Variants in CELF1 observed in about 807,000 individuals in gnomAD.
The protein encoded by CELF1 is 50 kDa nuclear polyadenylated RNA-binding protein.
CELF1 carries 10 observed loss-of-function variants against 61.8 expected under a neutral mutation model. The observed-to-expected ratio is 0.16, with a 90% CI of 0.10 to 0.27. CELF1 has a LOEUF of 0.27. CELF1 is among the 10% of genes least tolerant of loss of function. The pLI, the probability that CELF1 is intolerant of heterozygous loss-of-function variation, is 1.00. For missense variants in CELF1, 380 were observed against 639.1 expected, an observed-to-expected ratio of 0.59 and a Z score of 4.37; for synonymous variants, 236 against 225.1, an observed-to-expected ratio of 1.05 and a Z score of -0.43.
chr11:47,475,446 G>GT lies in CELF1; in HGVS notation c.1162dup (p.Thr388AsnfsTer55), dbSNP rs1479388325. 1.2e-6 allele frequency: 2 copies of GT among 1,614,094 alleles called. No individual in the cohort carries two copies. The highest frequency in any genetic ancestry group is 1.7e-6 in the Non-Finnish European group (2 of 1,180,018). On this transcript the variant is annotated frameshift_variant, in exon 13 of 15. Transcript: ENST00000687097. LOFTEE classifies it high-confidence loss of function. ...TTGCTGGATACCCGAGTAGGCCTGA[G>GT]TGAGGGCCTCCATGGTGCTCCCGGT...
chr11:47,563,146 G>T (rs1173277827), intron 2 of CELF1, among the ~76,000 whole-genome samples: 2 of 151,948 alleles, frequency 1.3e-5, no homozygotes, highest in Non-Finnish European at 2.9e-5. Flanking sequence ...CACCCAAAAG[G>T]TCGGGGCTAC....
chr11:47,541,749 AG>A (rs2096796423), intron 1 of CELF1, among the ~76,000 whole-genome samples: 2 of 10,118 alleles, frequency 2.0e-4, no homozygotes, highest in Non-Finnish European at 5.2e-4. Context: ...AACGAAAGAA[AG>A]AAAGAACGAA....
rs1030225794 is a variant in CELF1, at chr11:47,532,069, C to T, written c.-154+20923G>A. Among the ~76,000 whole-genome samples, 33 of 151,258 alleles carry T rather than the reference C, an allele frequency of 2.2e-4. No homozygotes were observed. In the South Asian group the frequency reaches 6.1e-3, roughly 28 times the overall value. On this transcript the variant is annotated intron_variant, in intron 1 of 14. Coordinates refer to ENST00000687097, the MANE Select transcript of CELF1 (RefSeq NM_001376376.1). The stretch of plus-strand genomic sequence containing the variant: ...TTTTTGAGACAGAGTCTCGCTCTGT[C>T]GCCCAGGCTGGAGTGCAGTGGCGCA...
upstream of CELF1, among the ~76,000 whole-genome samples, chr11:47,554,188 G>A (rs766207391): frequency 5.3e-5 from 8 of 151,946 alleles, no homozygotes; most frequent in Non-Finnish European, 1.0e-4. Context: ...TTCGCCTTTG[G>A]GGGGGAAAAA....
At chr11:47,535,585 G>A (rs1555189054) in intron 1 of CELF1, among the ~76,000 whole-genome samples, 1 of 151,070 alleles carries the variant, frequency 6.6e-6, no homozygotes, top group Non-Finnish European at 1.5e-5. Flanking sequence ...GGCTGAGGCA[G>A]GAGAATCGCT....
chr11:47,558,261 G>C (rs1382313965), intron 2 of CELF1, among the ~76,000 whole-genome samples: 1 of 151,604 alleles, frequency 6.6e-6, no homozygotes, highest in Non-Finnish European at 1.5e-5. Flanking sequence ...TGTCTGTCCT[G>C]CTTTTACTGA....
chr11:47,488,756 A>G, intron 4 of CELF1, 81 bp downstream of exon 4: 1 of 1,122,440 alleles, frequency 8.9e-7, no homozygotes, highest in South Asian at 2.9e-5. Context: ...AATTTTTTGT[A>G]TCCTGTTAAA....
chr11:47,484,864 G>C (rs2085683250), intron 6 of CELF1, among the ~76,000 whole-genome samples: 1 of 152,126 alleles, frequency 6.6e-6, no homozygotes, highest in Admixed American at 6.6e-5. Context: ...TTTTAGTAGA[G>C]ATGGGGTTTC....
intron 1 of CELF1, among the ~76,000 whole-genome samples, chr11:47,537,704 T>C (rs1436179227): frequency 1.3e-5 from 2 of 152,172 alleles, no homozygotes; most frequent in African/African-American, 4.8e-5. Flanking sequence ...TTACTAATCC[T>C]TAATACTGAA....
chr11:47,472,388 G>A, intron 14 of CELF1, 31 bp from the exon 15 acceptor site: 2 of 1,607,580 alleles, frequency 1.2e-6, no homozygotes, highest in African/African-American at 1.3e-5. Context: ...CTAGGTGAGG[G>A]ACATAATGAG....
At chr11:47,557,177 C>T (rs2097207968), upstream of CELF1, among the ~76,000 whole-genome samples, 1 of 151,608 alleles carries the variant, frequency 6.6e-6, no homozygotes, top group South Asian at 2.1e-4. Context: ...CGGGAGCCAC[C>T]ACGCCCGGCC....
In CELF1 at chr11:47,472,140, A is replaced by G; in HGVS notation, c.*90T>C. On this transcript the variant is annotated 3_prime_UTR_variant, in exon 15 of 15. Coordinates refer to ENST00000687097, the MANE Select transcript of CELF1 (RefSeq NM_001376376.1). ...CAGGGATCAGGGTCCAGGGCTGTCA[A>G]CACACAGCCTCAGGGCTTCGAATCA... is the stretch of plus-strand genomic sequence containing the variant. 1 of 1,492,290 alleles carries G rather than the reference A, an allele frequency of 6.7e-7. No individual in the cohort carries two copies. The highest frequency in any genetic ancestry group is 9.2e-7 in the Non-Finnish European group (1 of 1,084,836). The allele number at this position is 1,492,290 out of a possible 1,614,324, so 92.4% of individuals were successfully genotyped here.
upstream of CELF1, among the ~76,000 whole-genome samples, chr11:47,554,663 G>GA (rs1555193845): frequency 2.1e-5 from 3 of 142,308 alleles, no homozygotes; most frequent in Non-Finnish European, 4.6e-5. Flanking sequence ...ATCTAACACA[G>GA]TTTTTTTTTT....
At chr11:47,553,187 G>A (rs980205500), upstream of CELF1, 2 of 392,134 alleles carry the variant, frequency 5.1e-6, no homozygotes, top group African/African-American at 2.1e-5. Flanking sequence ...CAGAGGAGGA[G>A]GGGGAGCGCG....
In CELF1 at chr11:47,489,113, G is replaced by A. The variant is rs948026147; in HGVS notation, c.72-89C>T. The stretch of plus-strand genomic sequence containing the variant: ...TTCTTTAATGATCTTAACTAGTTCT[G>A]AGAACGTAAGGGAAAAAAAATCTAC... On this transcript the variant is annotated intron_variant, in intron 3 of 14. Transcript: ENST00000687097. 1.2e-5 allele frequency: 13 copies of A among 1,109,204 alleles called. No individual in the cohort carries two copies. In the African/African-American group the frequency reaches 2.0e-4, roughly 17 times the overall value. The allele number at this position is 1,109,204 out of a possible 1,614,324, so 68.7% of individuals were successfully genotyped here. A position where few individuals can be genotyped will look rare whatever the true frequency, so the allele number is the denominator to read the frequency against.
chr11:47,482,090 C>A (rs1701983725), intron 9 of CELF1, among the ~76,000 whole-genome samples: 1 of 152,102 alleles, frequency 6.6e-6, no homozygotes, highest in Non-Finnish European at 1.5e-5. Context: ...GTAGTCCCAG[C>A]TACTTGGGAA....
chr11:47,539,742 G>A (rs1221926155), intron 1 of CELF1, among the ~76,000 whole-genome samples: 1 of 152,214 alleles, frequency 6.6e-6, no homozygotes, highest in Non-Finnish European at 1.5e-5. Context: ...CACCTGGAAA[G>A]TCTTTAGGCA....
chr11:47,492,424 A>AC (rs771722545), intron 3 of CELF1, among the ~76,000 whole-genome samples: 5 of 152,056 alleles, frequency 3.3e-5, no homozygotes, highest in Admixed American at 6.6e-5. Flanking sequence ...GAAATCAGCT[A>AC]CCATGATGAA....
chr11:47,526,049 A>G (rs1251091652), intron 1 of CELF1, among the ~76,000 whole-genome samples: 1 of 151,660 alleles, frequency 6.6e-6, no homozygotes, highest in Non-Finnish European at 1.5e-5. Flanking sequence ...GCACCTGCGC[A>G]CCAGGAGTGG....
Sources: gnomAD v4.1 joint callset for allele counts (sites outside exome capture counted in the v4.1 genomes callset) on GRCh38, gnomAD v4.1.1 for gene constraint, MANE v1.5 for transcripts, NCBI Gene and HGNC (gene_info 2026-07-23, HGNC 2026-07-21) for gene names.